Variants in SPMIP3 observed in about 807,000 individuals in gnomAD.
SPMIP3 encodes the protein sperm microtubule inner protein 3.
At chr1:244,388,438 A>T in the SPMIP3 span, among the ~76,000 whole-genome samples, 1 of 148,298 alleles carries the variant, frequency 6.7e-6, no homozygotes, top group Non-Finnish European at 1.5e-5. Context: ...TTTGCTATTG[A>T]CTGTTTTTAC....
the SPMIP3 span, among the ~76,000 whole-genome samples, chr1:244,372,333 A>G: frequency 6.6e-6 from 1 of 152,158 alleles, no homozygotes; most frequent in Non-Finnish European, 1.5e-5. Flanking sequence ...GCATTCAATA[A>G]ATGTTGGTTG....
At chr1:244,374,888 G>A in the SPMIP3 span, among the ~76,000 whole-genome samples, 7 of 151,986 alleles carry the variant, frequency 4.6e-5, no homozygotes, top group East Asian at 1.2e-3. Flanking sequence ...GTGAGCCACC[G>A]TGCCCAGCCC....
At chr1:244,379,824 A>T in the SPMIP3 span, among the ~76,000 whole-genome samples, 1 of 151,926 alleles carries the variant, frequency 6.6e-6, no homozygotes, top group African/African-American at 2.4e-5. Context: ...TACTAAAAAT[A>T]CAAAGTGGTG....
At chr1:244,355,184 T>A in the SPMIP3 span, among the ~76,000 whole-genome samples, 1 of 152,196 alleles carries the variant, frequency 6.6e-6, no homozygotes, top group African/African-American at 2.4e-5. Context: ...TAACACTTTC[T>A]ATAAACTAAC....
At chr1:244,361,226 TC>T in the SPMIP3 span, among the ~76,000 whole-genome samples, 1 of 86,124 alleles carries the variant, frequency 1.2e-5, no homozygotes, top group African/African-American at 3.5e-5. Context: ...TTCTTTTTTT[TC>T]TTTCTTTCTT....
At chr1:244,364,250 G>A in the SPMIP3 span, among the ~76,000 whole-genome samples, 5 of 151,850 alleles carry the variant, frequency 3.3e-5, no homozygotes, top group Admixed American at 6.6e-5. Context: ...TACTACAGGC[G>A]CCCGCCACCA....
the SPMIP3 span, chr1:244,376,477 TA>T: frequency 6.6e-6 from 1 of 152,206 alleles, no homozygotes; most frequent in Non-Finnish European, 1.5e-5. Context: ...TTTTATAGTT[TA>T]AAAACATAAA....
the SPMIP3 span, chr1:244,378,333 G>A: frequency 1.8e-5 from 15 of 839,094 alleles, no homozygotes; most frequent in East Asian, 2.4e-4. Context: ...AGGGCTGGTC[G>A]CAGAGCTGTG....
At chr1:244,379,773 A>G in the SPMIP3 span, among the ~76,000 whole-genome samples, 1 of 152,056 alleles carries the variant, frequency 6.6e-6, no homozygotes, top group Admixed American at 6.5e-5. Flanking sequence ...TGAGGTCAGG[A>G]GTTCAGCACC....
chr1:244,370,364 G>T, the SPMIP3 span, among the ~76,000 whole-genome samples: 2 of 152,144 alleles, frequency 1.3e-5, no homozygotes, highest in Non-Finnish European at 2.9e-5. Context: ...CTTTAGTTCT[G>T]TCTTCTGGAC....
the SPMIP3 span, among the ~76,000 whole-genome samples, chr1:244,379,003 A>C: frequency 8.6e-5 from 13 of 151,992 alleles, no homozygotes. Flanking sequence ...ATCTCGGCTC[A>C]CTGCAAACTC....
chr1:244,361,210 G>A, the SPMIP3 span, among the ~76,000 whole-genome samples: 1 of 142,766 alleles, frequency 7.0e-6, no homozygotes, highest in Non-Finnish European at 1.5e-5. Flanking sequence ...ATAATTTATC[G>A]TACATTTCTT....
the SPMIP3 span, among the ~76,000 whole-genome samples, chr1:244,384,775 A>G: frequency 6.6e-6 from 1 of 152,218 alleles, no homozygotes; most frequent in Non-Finnish European, 1.5e-5. Flanking sequence ...AAACAACAAT[A>G]GGCTGGCAAA....
chr1:244,364,726 T>TAA, the SPMIP3 span: 1 of 1,614,142 alleles, frequency 6.2e-7, no homozygotes, highest in Non-Finnish European at 8.5e-7. Flanking sequence ...CTACGAGAAT[T>TAA]TATTGAGCGT....
At chr1:244,360,529 C>T in the SPMIP3 span, among the ~76,000 whole-genome samples, 1 of 62,660 alleles carries the variant, frequency 1.6e-5, no homozygotes, top group African/African-American at 4.8e-5. Context: ...CACACACACA[C>T]ACACACACAC....
At chr1:244,360,507 TATACACACACACACAC>T in the SPMIP3 span, among the ~76,000 whole-genome samples, 1 of 12,832 alleles carries the variant, frequency 7.8e-5, no homozygotes, top group Non-Finnish European at 2.1e-4. Context: ...GAAAACGTGA[TATACACACACACACAC>T]ACACACACAC....
chr1:244,389,075 G>T, the SPMIP3 span: 2 of 1,600,482 alleles, frequency 1.2e-6, no homozygotes, highest in African/African-American at 2.7e-5. Context: ...AATAACCACG[G>T]CATTCGAACA....
At chr1:244,386,049 C>T in the SPMIP3 span, among the ~76,000 whole-genome samples, 38 of 151,346 alleles carry the variant, frequency 2.5e-4, no homozygotes, top group Admixed American at 1.4e-3. Flanking sequence ...AATTAGCTCA[C>T]GCCTGTAGTC....
the SPMIP3 span, among the ~76,000 whole-genome samples, chr1:244,367,838 A>G: frequency 6.6e-6 from 1 of 152,178 alleles, no homozygotes; most frequent in African/African-American, 2.4e-5. Context: ...ACACACACAG[A>G]AAGAGCAAAC....
Sources: gnomAD v4.1 joint callset for allele counts (sites outside exome capture counted in the v4.1 genomes callset) on GRCh38, gnomAD v4.1.1 for gene constraint, MANE v1.5 for transcripts, NCBI Gene and HGNC (gene_info 2026-07-23, HGNC 2026-07-21) for gene names.